Variants in CACNA2D3 observed in about 807,000 individuals in gnomAD.
CACNA2D3 encodes calcium voltage-gated channel auxiliary subunit alpha2delta 3, also known as voltage-dependent calcium channel subunit alpha-2/delta-3.
Under a neutral mutation model 160.6 loss-of-function variants are expected in CACNA2D3, and 60 were observed. That is an observed-to-expected ratio of 0.37 (90% CI 0.30 to 0.46). The LOEUF (loss-of-function observed/expected upper bound fraction) is 0.46. Among genes scored for constraint, CACNA2D3 ranks in the 20% least tolerant of loss-of-function variants. The pLI is 1.00. For synonymous variants in CACNA2D3, 558 were observed against 492.9 expected (o/e 1.13, Z -1.75); for missense variants, 1,205 against 1,365.0 (o/e 0.88, Z 1.85).
intron 10 of CACNA2D3, among the ~76,000 whole-genome samples, chr3:54,631,307 A>G (rs574430345): frequency 4.9e-4 from 74 of 151,992 alleles, no homozygotes; most frequent in Middle Eastern, 6.8e-3. Flanking sequence ...TTGAGTGCAC[A>G]TTTATCTCAT....
chr3:55,008,452 T>C (rs1703143303), intron 33 of CACNA2D3, among the ~76,000 whole-genome samples: 1 of 152,174 alleles, frequency 6.6e-6, no homozygotes, highest in Admixed American at 6.5e-5. Context: ...TAGATGAACA[T>C]GTAAACAAGA....
chr3:54,170,305 C>T (rs1700539645), intron 2 of CACNA2D3, among the ~76,000 whole-genome samples: 2 of 152,066 alleles, frequency 1.3e-5, no homozygotes, highest in South Asian at 2.1e-4. Flanking sequence ...ATAATTTGCC[C>T]CTGGGCTCTG....
chr3:54,210,235 T>A (rs1701348445), intron 2 of CACNA2D3, among the ~76,000 whole-genome samples: 1 of 152,148 alleles, frequency 6.6e-6, no homozygotes, highest in South Asian at 2.1e-4. Context: ...AGCTGTGACT[T>A]TCTATCATGT....
chr3:54,330,536 T>G (rs763252129), intron 3 of CACNA2D3, among the ~76,000 whole-genome samples: 1 of 152,158 alleles, frequency 6.6e-6, no homozygotes, highest in Non-Finnish European at 1.5e-5. Context: ...CTAACCCAGG[T>G]TGTGGCCCTG....
intron 16 of CACNA2D3, among the ~76,000 whole-genome samples, chr3:54,844,837 G>A (rs1698899520): frequency 1.3e-5 from 2 of 152,286 alleles, no homozygotes; most frequent in African/African-American, 2.4e-5. Context: ...AGAAGGTGCT[G>A]AATACATGAG....
intron 2 of CACNA2D3, among the ~76,000 whole-genome samples, chr3:54,143,712 G>T (rs914734320): frequency 6.7e-6 from 1 of 150,262 alleles, no homozygotes; most frequent in Non-Finnish European, 1.5e-5. Context: ...TGTTAGACAG[G>T]ATGGTCTCGA....
intron 32 of CACNA2D3, among the ~76,000 whole-genome samples, chr3:55,007,561 T>G (rs144458766): frequency 6.6e-6 from 1 of 152,382 alleles, no homozygotes; most frequent in Non-Finnish European, 1.5e-5. Flanking sequence ...AGATCAGGTT[T>G]ATTTTACTTG....
intron 11 of CACNA2D3, among the ~76,000 whole-genome samples, chr3:54,746,864 C>G (rs1490132546): frequency 6.6e-6 from 1 of 152,128 alleles, no homozygotes; most frequent in African/African-American, 2.4e-5. Flanking sequence ...CAGCTGGGTA[C>G]AGATCTGCCC....
At chr3:54,650,231 C>T (rs944696585) in intron 11 of CACNA2D3, among the ~76,000 whole-genome samples, 2 of 103,692 alleles carry the variant, frequency 1.9e-5, no homozygotes, top group African/African-American at 6.3e-5. Context: ...CGGAGTCTTG[C>T]TCTGTCACCC....
At chr3:54,573,279 GTTAGTGAAT>G (rs1474942043) in intron 8 of CACNA2D3, among the ~76,000 whole-genome samples, 1 of 152,174 alleles carries the variant, frequency 6.6e-6, no homozygotes, top group African/African-American at 2.4e-5. Flanking sequence ...GATCAGATAT[GTTAGTGAAT>G]TTATATTAGA....
At chr3:54,874,199 G>C (rs1197439387) in intron 18 of CACNA2D3, among the ~76,000 whole-genome samples, 1 of 151,996 alleles carries the variant, frequency 6.6e-6, no homozygotes, top group African/African-American at 2.4e-5. Context: ...AAAATTAAAA[G>C]AAAAAAAGAC....
chr3:54,595,202 ATAGT>A (rs367823421), intron 9 of CACNA2D3, among the ~76,000 whole-genome samples: 16 of 152,210 alleles, frequency 1.1e-4, no homozygotes, highest in African/African-American at 3.6e-4. Flanking sequence ...GACTAATACA[ATAGT>A]TAGTTTGTCA....
chr3:54,436,927 ATTATAC>A lies in CACNA2D3; in HGVS notation c.381+50157_381+50162del, dbSNP rs1337628960. Reference sequence around the variant, plus strand: ...TATACACATCAGAAGAAACAAGACAATTATACTTAAAGAGTGAAGAGGTTAAAGGGA... The same window carrying A: ...TATACACATCAGAAGAAACAAGACAATTAAAGAGTGAAGAGGTTAAAGGGA... On this transcript the variant is annotated intron_variant, in intron 4 of 37. Coordinates refer to ENST00000474759, the MANE Select transcript of CACNA2D3 (RefSeq NM_018398.3). Among the ~76,000 whole-genome samples the A allele has an allele frequency of 3.9e-5, 6 of 152,292 alleles. No individual in the cohort carries two copies. In the East Asian group the frequency reaches 7.7e-4, roughly 20 times the overall value.
intron 3 of CACNA2D3, among the ~76,000 whole-genome samples, chr3:54,367,342 T>C (rs1467264375): frequency 1.3e-5 from 2 of 152,176 alleles, no homozygotes; most frequent in East Asian, 3.9e-4. Flanking sequence ...CCTAGCCCCG[T>C]TATGAGTATA....
At chr3:54,349,088 C>T (rs1698507601) in intron 3 of CACNA2D3, among the ~76,000 whole-genome samples, 1 of 152,058 alleles carries the variant, frequency 6.6e-6, no homozygotes, top group African/African-American at 2.4e-5. Context: ...GGTTGTGTCC[C>T]AGGGAGGGAG....
chr3:54,155,105 G>A (rs901905212), intron 2 of CACNA2D3, among the ~76,000 whole-genome samples: 4 of 152,294 alleles, frequency 2.6e-5, no homozygotes, highest in African/African-American at 4.8e-5. Flanking sequence ...CCATTAGCTC[G>A]AGGCCTGTCC....
intron 3 of CACNA2D3, among the ~76,000 whole-genome samples, chr3:54,362,482 A>G (rs1016822340): frequency 2.6e-5 from 4 of 152,172 alleles, no homozygotes; most frequent in Non-Finnish European, 2.9e-5. Flanking sequence ...TCGCTATCCC[A>G]TCATATTCAC....
At chr3:54,903,447 C>T (rs1305822585) in intron 27 of CACNA2D3, among the ~76,000 whole-genome samples, 1 of 152,088 alleles carries the variant, frequency 6.6e-6, no homozygotes, top group Non-Finnish European at 1.5e-5. Context: ...TTTCTTTATC[C>T]AGTCTATCAT....
At chr3:54,573,837 G>A (rs2106726194) in intron 8 of CACNA2D3, among the ~76,000 whole-genome samples, 1 of 152,284 alleles carries the variant, frequency 6.6e-6, no homozygotes, top group South Asian at 2.1e-4. Context: ...AGTGTGTTCT[G>A]CGAATTTTGC....
Sources: allele counts gnomAD v4.1 joint callset (sites outside exome capture counted in the v4.1 genomes callset), GRCh38; gene constraint gnomAD v4.1.1; transcripts MANE v1.5; gene names NCBI Gene and HGNC (gene_info 2026-07-23, HGNC 2026-07-21).